The following NIPAL3 variants were observed in gnomAD, a reference collection of about 807,000 sequenced individuals.
NIPAL3 encodes the protein NIPA-like protein 3.
In NIPAL3, 41 loss-of-function variants were observed where a neutral mutation model predicts 47.2. That is an observed-to-expected ratio of 0.87 (90% CI 0.68 to 1.13). The LOEUF is 1.13. Among genes scored for constraint, NIPAL3 ranks in the 50% most tolerant of loss-of-function variants. The pLI is 0.00. For synonymous variants in NIPAL3, 194 were observed against 209.6 expected (o/e 0.93, Z 0.64); for missense variants, 449 against 530.1 (o/e 0.85, Z 1.50).
chr1:24,464,976 C>T (rs532011969), intron 11 of NIPAL3: 164 of 152,252 alleles, frequency 1.1e-3, no homozygotes, highest in Non-Finnish European at 1.8e-3. Flanking sequence ...GACTGGTGTG[C>T]CCCTACATTA....
intron 6 of NIPAL3, among the ~76,000 whole-genome samples, chr1:24,452,107 G>A (rs1409735921): frequency 1.3e-5 from 2 of 152,188 alleles, no homozygotes; most frequent in Non-Finnish European, 2.9e-5. Context: ...AGGCAAATGA[G>A]ACTAAGCTGT....
chr1:24,469,439 G>A lies in NIPAL3; in HGVS notation c.*254G>A. 3 of 430,408 alleles carry A rather than the reference G, an allele frequency of 7.0e-6. No homozygotes were observed. Among genetic ancestry groups the A allele is most frequent in the Non-Finnish European group, 1.2e-5 (3 of 240,052 alleles). The allele number at this position is 430,408 out of a possible 1,614,324, so 26.7% of individuals were successfully genotyped here. On this transcript the variant is annotated 3_prime_UTR_variant, in exon 12 of 12. Coordinates refer to ENST00000374399, the MANE Select transcript of NIPAL3 (RefSeq NM_020448.5). The stretch of plus-strand genomic sequence containing the variant: ...CCAGCCTCTGCCTGGATTAGCCCAG[G>A]GGGATTTGGAAAGCCTTTCTACCAT...
In NIPAL3 at chr1:24,440,192, C is replaced by T; in HGVS notation, c.114C>T (p.Leu38=). 1 of 1,593,646 alleles carries T rather than the reference C, an allele frequency of 6.3e-7. No individual in the cohort carries two copies. The highest frequency in any genetic ancestry group is 8.5e-7 in the Non-Finnish European group (1 of 1,170,622). The change falls in exon 3 of 12, where the codon CTC becomes CTT. Residue 38 remains leucine, a synonymous_variant. Transcript: ENST00000374399. The stretch of plus-strand genomic sequence containing the variant: ...TACAGGAAAACCTGATTGGCGCCCT[C>T]TTGGCGATCTTCGGGCACCTCGTGG... ...FSYKENLIGA[L]LAIFGHLVVS... is the part of the protein sequence containing the mutation.
Position 24,442,111 on chromosome 1 carries a change from C to A in NIPAL3, c.219C>A (p.Thr73=), listed in dbSNP as rs1052679510. 6.2e-6 allele frequency: 10 copies of A among 1,614,202 alleles called. No individual in the cohort carries two copies. The highest frequency in any genetic ancestry group is 2.7e-5 in the African/African-American group (2 of 75,048). Residue 73 remains threonine (T), a synonymous_variant, in exon 4 of 12, where the codon ACC becomes ACA. Coordinates refer to ENST00000374399, the MANE Select transcript of NIPAL3 (RefSeq NM_020448.5). ...GSKDPRAYFK[T]KTWWLGLFLM... ...AGGATCCCCGGGCCTATTTCAAGAC[C>A]AAGACATGGTGGCTGGGCCTGTTCC...
intron 2 of NIPAL3, 91 bp downstream of exon 2, chr1:24,419,731 C>A: frequency 9.2e-7 from 1 of 1,087,484 alleles, no homozygotes; most frequent in South Asian, 1.4e-5. Context: ...TGTATGGGGT[C>A]TGCATGCCTG....
rs1643998906 is a variant in NIPAL3 at position 24,415,902 on chromosome 1, C to T, written c.-260C>T. 1.0e-6 allele frequency: 1 copy of T among 985,154 alleles called. No homozygotes were observed. Among genetic ancestry groups the T allele is most frequent in the African/African-American group, 1.7e-5 (1 of 57,240 alleles). The allele number at this position is 985,154 out of a possible 1,614,324, so 61.0% of individuals were successfully genotyped here. A position where few individuals can be genotyped will look rare whatever the true frequency, so the allele number is the denominator to read the frequency against. ...TAGGTGGGCCTTAGAGGAGACGCCG[C>T]CGGTGAGTAGTGATTAACACCGGGA... is the stretch of plus-strand genomic sequence containing the variant. On this transcript the variant is annotated splice_region_variant and 5_prime_UTR_variant, in exon 1 of 12. Transcript: ENST00000374399.
chr1:24,446,069 CGTGTGTGTG>C lies in NIPAL3; in HGVS notation c.394+826_394+834del, dbSNP rs1221085905. On this transcript the variant is annotated intron_variant, in intron 5 of 11. Transcript: ENST00000374399. ...GGCTTCTGCTCACAGAGATTATAGT[CGTGTGTGTG>C]TGTGTGTGTGTGTGTGTGTGTGTGT... 9.5e-5 allele frequency among the ~76,000 whole-genome samples: 14 copies of C among 147,840 alleles called. No individual in the cohort carries two copies. The South Asian group carries it at 2.2e-3, about 24-fold the overall frequency.
chr1:24,469,528 A>C lies in NIPAL3; in HGVS notation c.*343A>C, dbSNP rs983238431. ...AAAGGATGCTGTATCCTTCAGAGCT[A>C]AGGCAAGACAGAGAGTCTGCTGTTA... On this transcript the variant is annotated 3_prime_UTR_variant, in exon 12 of 12. Transcript: ENST00000374399. 1.9e-5 allele frequency: 4 copies of C among 214,082 alleles called. No individual in the cohort carries two copies. The highest frequency in any genetic ancestry group is 3.8e-5 in the Non-Finnish European group (4 of 106,106). 13.3% of individuals were successfully genotyped at this position (214,082 alleles called of 1,614,324 possible).
intron 10 of NIPAL3, among the ~76,000 whole-genome samples, chr1:24,462,587 CA>C (rs1216286806): frequency 6.6e-6 from 1 of 150,684 alleles, no homozygotes; most frequent in Non-Finnish European, 1.5e-5. Context: ...ACCACAGTGG[CA>C]AAACCCTGTC....
intron 1 of NIPAL3, among the ~76,000 whole-genome samples, 185 bp from the exon 2 acceptor site, chr1:24,419,106 G>A (rs1190227536): frequency 6.6e-6 from 1 of 152,102 alleles, no homozygotes; most frequent in African/African-American, 2.4e-5. Flanking sequence ...GTATTAAGGG[G>A]AGGACAAAGG....
chr1:24,432,114 C>T (rs6679811), intron 2 of NIPAL3, among the ~76,000 whole-genome samples: 64,959 of 151,786 alleles, frequency 0.43, 15,208 homozygotes, highest in African/African-American at 0.64. Context: ...ACTTCTTGTG[C>T]CCATCTCTAA....
intron 2 of NIPAL3, among the ~76,000 whole-genome samples, chr1:24,423,422 C>T (rs1223657021): frequency 1.3e-5 from 2 of 152,264 alleles, no homozygotes. Context: ...AGGGGGATCA[C>T]GAGGTCAGGA....
intron 10 of NIPAL3, among the ~76,000 whole-genome samples, chr1:24,463,446 G>C (rs61773989): frequency 4.7e-4 from 71 of 152,260 alleles, no homozygotes; most frequent in Non-Finnish European, 9.0e-4. Flanking sequence ...GATTCCCCAA[G>C]TAAAATTCAT....
intron 7 of NIPAL3, chr1:24,453,986 T>C (rs1173846065): frequency 1.5e-5 from 7 of 456,266 alleles, no homozygotes; most frequent in Non-Finnish European, 2.6e-5. Flanking sequence ...GTGGAAGAGA[T>C]AGCTCCTGAA....
chr1:24,460,604 C>A (rs886965025), intron 10 of NIPAL3, 60 bp downstream of exon 10: 16 of 1,417,792 alleles, frequency 1.1e-5, no homozygotes, highest in Non-Finnish European at 1.5e-5. Flanking sequence ...AAGCAGGTTG[C>A]CCCTCTCTCT....
Position 24,458,894 on chromosome 1 carries a change from G to T in NIPAL3, c.780G>T (p.Leu260Phe). The change falls in exon 9 of 12, where the codon TTG becomes TTT. Residue 260 changes from leucine to phenylalanine, a missense_variant. By Grantham distance (22) the Leu-to-Phe change is conservative (BLOSUM62 0). Coordinates refer to ENST00000374399, the MANE Select transcript of NIPAL3 (RefSeq NM_020448.5). ...GAGTGCTTTTGTGTTGAAGGTTTTT[G>T]AGTCAAGCCTCACAGATGTACGACT... The part of the protein sequence containing the change: ...VATAVYQAAF[L>F]SQASQMYDSS... The T allele has an allele frequency of 6.2e-7, 1 of 1,613,990 alleles. No homozygotes were observed. The highest frequency in any genetic ancestry group is 1.1e-5 in the South Asian group (1 of 91,066).
chr1:24,468,932 C>A, intron 11 of NIPAL3, 54 bp from the exon 12 acceptor site: 1 of 1,541,940 alleles, frequency 6.5e-7, no homozygotes, highest in Non-Finnish European at 8.9e-7. Flanking sequence ...GGAGATGCGG[C>A]CTCCTTGGCC....
At chr1:24,446,137 C>G (rs1270477154) in intron 5 of NIPAL3, among the ~76,000 whole-genome samples, 1 of 150,722 alleles carries the variant, frequency 6.6e-6, no homozygotes, top group East Asian at 1.9e-4. Context: ...AATAAACAAG[C>G]AACTAAATGA....
chr1:24,464,933 G>A (rs1383724373), intron 11 of NIPAL3: 1 of 152,192 alleles, frequency 6.6e-6, no homozygotes, highest in Non-Finnish European at 1.5e-5. Flanking sequence ...TTTTCATGCT[G>A]TAACGCTGTG....
Sources: allele counts gnomAD v4.1 joint callset (sites outside exome capture counted in the v4.1 genomes callset), GRCh38; gene constraint gnomAD v4.1.1; transcripts MANE v1.5; gene names NCBI Gene and HGNC (gene_info 2026-07-23, HGNC 2026-07-21).